Variants in PDGFC observed in about 807,000 individuals in gnomAD.
The protein encoded by PDGFC is platelet-derived growth factor C.
A neutral mutation model predicts 35.5 loss-of-function variants in PDGFC; 12 were observed. That is an observed-to-expected ratio of 0.34 (90% CI 0.22 to 0.55). The LOEUF is 0.55. PDGFC is among the 20% of genes least tolerant of loss of function. The pLI is 0.91. For missense variants in PDGFC, 322 were observed against 412.4 expected, an observed-to-expected ratio of 0.78 and a Z score of 1.90; for synonymous variants, 159 against 148.8, an observed-to-expected ratio of 1.07 and a Z score of -0.50.
At chr4:156,844,693 G>A (rs1017380832) in intron 2 of PDGFC, among the ~76,000 whole-genome samples, 16 of 151,872 alleles carry the variant, frequency 1.1e-4, no homozygotes, top group African/African-American at 3.1e-4. Context: ...AACATTAGGC[G>A]TAATATACTT....
At chr4:156,813,049 C>T (rs182217769) in intron 2 of PDGFC, among the ~76,000 whole-genome samples, 6 of 151,990 alleles carry the variant, frequency 3.9e-5, no homozygotes, top group Non-Finnish European at 8.8e-5. Flanking sequence ...TATGTGTGTG[C>T]GGGATGTGGA....
chr4:156,797,571 C>G (rs1731479717), intron 3 of PDGFC, among the ~76,000 whole-genome samples: 1 of 152,140 alleles, frequency 6.6e-6, no homozygotes, highest in Admixed American at 6.5e-5. Flanking sequence ...TTTCTTGGGC[C>G]ACACATTAAA....
At chr4:156,833,456 C>G (rs561830954) in intron 2 of PDGFC, among the ~76,000 whole-genome samples, 2 of 152,110 alleles carry the variant, frequency 1.3e-5, no homozygotes, top group African/African-American at 4.8e-5. Flanking sequence ...AACATAAATG[C>G]CTGTTTGCAA....
At chr4:156,855,504 G>A (rs960124897) in intron 1 of PDGFC, among the ~76,000 whole-genome samples, 2 of 152,196 alleles carry the variant, frequency 1.3e-5, no homozygotes, top group African/African-American at 4.8e-5. Flanking sequence ...CACGACTGTA[G>A]CAACATGTCA....
At chr4:156,824,290 A>G (rs1464959558) in intron 2 of PDGFC, among the ~76,000 whole-genome samples, 1 of 28,214 alleles carries the variant, frequency 3.5e-5, no homozygotes, top group East Asian at 4.7e-4. Context: ...GTAAGCATAT[A>G]TATATATATA....
At chr4:156,808,420 G>A (rs10023070) in intron 3 of PDGFC, among the ~76,000 whole-genome samples, 9,717 of 152,028 alleles carry the variant, frequency 0.064, 1,031 homozygotes, top group African/African-American at 0.22. Context: ...CAATGAGACC[G>A]TTGCCTCTGG....
chr4:156,782,346 A>G (rs1731004170), intron 3 of PDGFC, among the ~76,000 whole-genome samples: 3 of 152,154 alleles, frequency 2.0e-5, no homozygotes, highest in Admixed American at 2.0e-4. Context: ...TCCTATGCAA[A>G]ATGCAGGATT....
At chr4:156,925,199 A>G (rs1731378294) in intron 1 of PDGFC, among the ~76,000 whole-genome samples, 1 of 152,212 alleles carries the variant, frequency 6.6e-6, no homozygotes, top group Admixed American at 6.5e-5. Context: ...AAACTAGTAT[A>G]TAATCTTGTC....
chr4:156,915,530 G>T (rs895029147), intron 1 of PDGFC, among the ~76,000 whole-genome samples: 2 of 152,140 alleles, frequency 1.3e-5, no homozygotes, highest in Admixed American at 6.5e-5. Context: ...GGGGGGCAGG[G>T]TGCAGTGATC....
chr4:156,785,790 A>T (rs190573410), intron 3 of PDGFC, among the ~76,000 whole-genome samples: 1 of 152,324 alleles, frequency 6.6e-6, no homozygotes, highest in Admixed American at 6.5e-5. Flanking sequence ...TACATTGGGC[A>T]GGGCTAGAAT....
chr4:156,950,010 A>T (rs532479180), intron 1 of PDGFC, among the ~76,000 whole-genome samples: 1 of 151,948 alleles, frequency 6.6e-6, no homozygotes, highest in Admixed American at 6.6e-5. Flanking sequence ...TACCTATGAC[A>T]TTTTTCCTAG....
intron 3 of PDGFC, among the ~76,000 whole-genome samples, chr4:156,783,533 C>T (rs1178703630): frequency 6.6e-6 from 1 of 151,976 alleles, no homozygotes; most frequent in Non-Finnish European, 1.5e-5. Context: ...TAATCACTAC[C>T]CACTAATAAA....
At chr4:156,924,052 T>C (rs1167412228) in intron 1 of PDGFC, among the ~76,000 whole-genome samples, 1 of 152,188 alleles carries the variant, frequency 6.6e-6, no homozygotes, top group African/African-American at 2.4e-5. Context: ...TTATTCTTTA[T>C]TCATTTAAAG....
At chr4:156,808,992 T>C (rs1312265274) in intron 3 of PDGFC, among the ~76,000 whole-genome samples, 1 of 152,026 alleles carries the variant, frequency 6.6e-6, no homozygotes, top group East Asian at 1.9e-4. Context: ...TATTAGGCAA[T>C]GTAGGACACT....
chr4:156,797,952 G>A (rs1157315832), intron 3 of PDGFC, among the ~76,000 whole-genome samples: 2 of 152,168 alleles, frequency 1.3e-5, no homozygotes, highest in Non-Finnish European at 1.5e-5. Context: ...CATTTAGGGA[G>A]GCCCAGGTGG....
At chr4:156,965,331 G>A (rs1339985218) in intron 1 of PDGFC, among the ~76,000 whole-genome samples, 2 of 152,128 alleles carry the variant, frequency 1.3e-5, no homozygotes, top group Non-Finnish European at 2.9e-5. Flanking sequence ...AGGTGCTGGA[G>A]TTCCTACAGG....
chr4:156,786,990 G>A (rs1455349987), intron 3 of PDGFC, among the ~76,000 whole-genome samples: 1 of 152,172 alleles, frequency 6.6e-6, no homozygotes, highest in Non-Finnish European at 1.5e-5. Context: ...GAAAGATTGA[G>A]AGGTGTGTGG....
chr4:156,862,087 G>A (rs1029426110), intron 1 of PDGFC, among the ~76,000 whole-genome samples: 4 of 152,144 alleles, frequency 2.6e-5, no homozygotes, highest in Non-Finnish European at 4.4e-5. Flanking sequence ...AAATTCATTT[G>A]CTAGTGTAAA....
At chr4:156,940,179 T>A (rs1453178277) in intron 1 of PDGFC, among the ~76,000 whole-genome samples, 2 of 152,108 alleles carry the variant, frequency 1.3e-5, no homozygotes, top group East Asian at 3.9e-4. Flanking sequence ...TTACATCAAA[T>A]CAATTGTTTT....
Sources: gnomAD v4.1 joint callset for allele counts (sites outside exome capture counted in the v4.1 genomes callset) on GRCh38, gnomAD v4.1.1 for gene constraint, MANE v1.5 for transcripts, NCBI Gene and HGNC (gene_info 2026-07-23, HGNC 2026-07-21) for gene names.